Variants in EFTUD2 observed in about 807,000 individuals in gnomAD.
The protein encoded by EFTUD2 is elongation factor Tu GTP binding domain containing 2.
A neutral mutation model predicts 114.3 loss-of-function variants in EFTUD2; 9 were observed. The ratio of observed to expected loss-of-function variants is 0.08; its 90% confidence interval spans 0.05 to 0.14. The LOEUF is 0.14. EFTUD2 is among the 10% of genes least tolerant of loss of function. The pLI, the probability that EFTUD2 is intolerant of heterozygous loss-of-function variation, is 1.00. For missense variants in EFTUD2, 765 were observed against 1,241.2 expected (o/e 0.62, Z 5.76); for synonymous variants, 449 against 462.3 (o/e 0.97, Z 0.37).
In EFTUD2 at chr17:44,853,929, T is replaced by A. The variant is rs1399150854; in HGVS notation, c.2348-294A>T. The A allele has an allele frequency of 2.9e-6, 4 of 1,363,328 alleles. No homozygotes were observed. In the African/African-American group the frequency reaches 4.4e-5, roughly 15 times the overall value. 84.5% of individuals were successfully genotyped at this position (1,363,328 alleles called of 1,614,324 possible). On this transcript the variant is annotated intron_variant, in intron 23 of 27. Transcript: ENST00000426333. ...ACATTTTTGTGGATGTAGAATAAAT[T>A]CCAGAATTGTACATTTGGTCCATGA...
intron 9 of EFTUD2, among the ~76,000 whole-genome samples, chr17:44,877,193 C>A (rs2050977198): frequency 6.6e-6 from 1 of 151,162 alleles, no homozygotes; most frequent in Admixed American, 6.6e-5. Context: ...AAGATGCCAT[C>A]TCTTTGAAGG....
chr17:44,868,367 A>G lies in EFTUD2; in HGVS notation c.995-17T>C. 1 of 1,612,984 alleles carries G rather than the reference A, an allele frequency of 6.2e-7. No individual in the cohort carries two copies. The highest frequency in any genetic ancestry group is 8.5e-7 in the Non-Finnish European group (1 of 1,179,388). ...TAATGTCACCTATGGGAGAAGCCACACAATTATAATCTACCTAGCAAAGTG... is the reference window on the plus strand; with the variant it reads ...TAATGTCACCTATGGGAGAAGCCACGCAATTATAATCTACCTAGCAAAGTG... On this transcript the variant is annotated splice_polypyrimidine_tract_variant and intron_variant, in intron 11 of 27. Transcript: ENST00000426333.
intron 1 of EFTUD2, among the ~76,000 whole-genome samples, chr17:44,896,442 T>C (rs979907351): frequency 6.6e-6 from 1 of 152,156 alleles, no homozygotes; most frequent in African/African-American, 2.4e-5. Context: ...GGTCAGGAGA[T>C]AGAGACCATC....
At chr17:44,883,559 C>G in intron 5 of EFTUD2, 90 bp downstream of exon 5, 2 of 1,280,138 alleles carry the variant, frequency 1.6e-6, no homozygotes, top group Non-Finnish European at 2.3e-6. Context: ...CTTGTGACCT[C>G]AAACCTCAAC....
intron 13 of EFTUD2, among the ~76,000 whole-genome samples, chr17:44,866,874 C>A (rs1020828566): frequency 1.3e-5 from 2 of 152,104 alleles, no homozygotes; most frequent in African/African-American, 4.8e-5. Context: ...GAGGCCAAGG[C>A]AGGAGGATCA....
chr17:44,871,819 C>G (rs1254069357), intron 11 of EFTUD2, among the ~76,000 whole-genome samples: 1 of 152,188 alleles, frequency 6.6e-6, no homozygotes, highest in Non-Finnish European at 1.5e-5. Context: ...ACAGTGACTT[C>G]CCTCTAAGGA....
At chr17:44,878,130 C>T (rs1225727831) in intron 9 of EFTUD2, among the ~76,000 whole-genome samples, 1 of 152,096 alleles carries the variant, frequency 6.6e-6, no homozygotes, top group African/African-American at 2.4e-5. Flanking sequence ...AGCAAGACTC[C>T]ATCTCAAAAC....
Position 44,854,192 on chromosome 17 carries a change from T to C in EFTUD2, c.2347+77A>G. ...TGCTTCTCCTGCCGAATCCTAAAGA[T>C]GGTGAGCCCATCCCACTCATATGCC... On this transcript the variant is annotated intron_variant, in intron 23 of 27. Transcript: ENST00000426333. The surrounding 1 kb of genome is among the most constrained non-coding windows in gnomAD (Gnocchi z 4.3). The C allele has an allele frequency of 9.4e-6, 14 of 1,484,328 alleles. No homozygotes were observed. The highest frequency in any genetic ancestry group is 1.3e-5 in the Non-Finnish European group (14 of 1,095,992). The allele number at this position is 1,484,328 out of a possible 1,614,324, so 91.9% of individuals were successfully genotyped here.
chr17:44,885,163 A>G (rs1046741494), intron 4 of EFTUD2, 93 bp downstream of exon 4: 6 of 931,788 alleles, frequency 6.4e-6, no homozygotes, highest in Non-Finnish European at 1.0e-5. Flanking sequence ...GCCACAATTT[A>G]CTAGCTATTT....
chr17:44,859,386 A>G lies in EFTUD2; in HGVS notation c.1861-205T>C. 5 of 597,744 alleles carry G rather than the reference A, an allele frequency of 8.4e-6. No individual in the cohort carries two copies. The South Asian group carries it at 9.8e-5, about 12-fold the overall frequency. 37.0% of individuals were successfully genotyped at this position (597,744 alleles called of 1,614,324 possible). A position where few individuals can be genotyped will look rare whatever the true frequency, so the allele number is the denominator to read the frequency against. On this transcript the variant is annotated intron_variant, in intron 18 of 27. Coordinates refer to ENST00000426333, the MANE Select transcript of EFTUD2 (RefSeq NM_004247.4). ...GACACCAGGACCACTCAGCATGGTG[A>G]TACTAGGTGTGAAGTCAATGATTTA...
intron 23 of EFTUD2, chr17:44,853,933 GA>G (rs2050501104): frequency 1.5e-6 from 2 of 1,360,682 alleles, no homozygotes; most frequent in East Asian, 5.6e-5. Context: ...ATAAATTCCA[GA>G]ATTGTACATT....
intron 2 of EFTUD2, among the ~76,000 whole-genome samples, chr17:44,890,871 C>T (rs539714988): frequency 6.6e-6 from 1 of 152,212 alleles, no homozygotes; most frequent in South Asian, 2.1e-4. Flanking sequence ...GATATAATAT[C>T]CTACAACCAG....
At chr17:44,896,528 T>C (rs1268183800) in intron 1 of EFTUD2, among the ~76,000 whole-genome samples, 1 of 152,128 alleles carries the variant, frequency 6.6e-6, no homozygotes, top group Non-Finnish European at 1.5e-5. Context: ...ACACCTGTAG[T>C]CCCAGCTACT....
chr17:44,890,020 T>A (rs1236905837), intron 2 of EFTUD2, among the ~76,000 whole-genome samples: 1 of 152,176 alleles, frequency 6.6e-6, no homozygotes, highest in African/African-American at 2.4e-5. Flanking sequence ...TTTTTTATTT[T>A]TTTGAGATGG....
chr17:44,876,216 C>G (rs771719110), intron 9 of EFTUD2, 116 bp from the exon 10 acceptor site: 6 of 1,224,122 alleles, frequency 4.9e-6, no homozygotes. Flanking sequence ...AAAAAGACCT[C>G]GGGAAATATT....
chr17:44,857,043 G>A (rs1183869696), intron 20 of EFTUD2, 32 bp downstream of exon 20: 2 of 1,574,776 alleles, frequency 1.3e-6, no homozygotes, highest in Non-Finnish European at 1.7e-6. Context: ...CCAGGAGGCT[G>A]CAGTCCCAGG....
At chr17:44,896,655 TAAAC>T (rs570186711) in intron 1 of EFTUD2, among the ~76,000 whole-genome samples, 2 of 151,124 alleles carry the variant, frequency 1.3e-5, no homozygotes, top group Admixed American at 1.3e-4. Context: ...TCGAAAAAAA[TAAAC>T]AAAATAAATA....
At chr17:44,890,411 G>T (rs2051258293) in intron 2 of EFTUD2, among the ~76,000 whole-genome samples, 1 of 151,064 alleles carries the variant, frequency 6.6e-6, no homozygotes, top group African/African-American at 2.4e-5. Context: ...AAAAAAATCT[G>T]TCCAGGTGCG....
chr17:44,875,640 G>A (rs568080204), intron 10 of EFTUD2: 1 of 207,176 alleles, frequency 4.8e-6, no homozygotes, highest in Non-Finnish European at 9.6e-6. Context: ...GAGCCCAGAA[G>A]TTCGAGGCTG....
Sources: allele counts gnomAD v4.1 joint callset (sites outside exome capture counted in the v4.1 genomes callset), GRCh38; gene constraint gnomAD v4.1.1; non-coding constraint Gnocchi (gnomAD v3.1); transcripts MANE v1.5; gene names NCBI Gene and HGNC (gene_info 2026-07-23, HGNC 2026-07-21).